GPHN: variants seen among roughly 807,000 people sequenced by gnomAD.
The protein encoded by GPHN is gephyrin.
In GPHN, 17 loss-of-function variants were observed where a neutral mutation model predicts 95.5. That is an observed-to-expected ratio of 0.18 (90% confidence interval 0.12 to 0.27). The LOEUF is 0.27. Among genes scored for constraint, GPHN ranks in the 10% least tolerant of loss-of-function variants. The pLI, the probability that GPHN is intolerant of heterozygous loss-of-function variation, is 1.00. For missense variants in GPHN, 660 were observed against 978.1 expected (o/e 0.67, Z 4.34); for synonymous variants, 320 against 322.5 (o/e 0.99, Z 0.08).
intron 5 of GPHN, among the ~76,000 whole-genome samples, chr14:66,895,198 G>C (rs921950555): frequency 6.6e-6 from 1 of 152,196 alleles, no homozygotes; most frequent in Non-Finnish European, 1.5e-5. Flanking sequence ...ATGAGTTCAT[G>C]TCCTTTGTAG....
At chr14:67,395,173 G>A in the GPHN span, among the ~76,000 whole-genome samples, 3 of 152,272 alleles carry the variant, frequency 2.0e-5, no homozygotes, top group South Asian at 4.1e-4. Flanking sequence ...GTGTGCAGAG[G>A]TGGCAAGAGC....
At chr14:67,238,796 A>G in the GPHN span, among the ~76,000 whole-genome samples, 1 of 151,958 alleles carries the variant, frequency 6.6e-6, no homozygotes, top group Non-Finnish European at 1.5e-5. Flanking sequence ...AGCACACACC[A>G]TCATGCCCAG....
At chr14:67,311,426 C>G in the GPHN span, among the ~76,000 whole-genome samples, 1 of 151,908 alleles carries the variant, frequency 6.6e-6, no homozygotes, top group East Asian at 1.9e-4. Flanking sequence ...GGAATTTAAC[C>G]TATGTGTGAC....
chr14:67,390,805 T>A, the GPHN span: 1 of 1,172,272 alleles, frequency 8.5e-7, no homozygotes, highest in Non-Finnish European at 1.3e-6. Context: ...CTCTCTCCTG[T>A]ATCTATGCAT....
chr14:67,698,140 A>G, the GPHN span, among the ~76,000 whole-genome samples: 1 of 152,230 alleles, frequency 6.6e-6, no homozygotes, highest in African/African-American at 2.4e-5. Context: ...TGCAGGGTCT[A>G]TTGTGCCCTT....
At chr14:67,073,105 C>G (rs950910257) in intron 11 of GPHN, among the ~76,000 whole-genome samples, 1 of 151,904 alleles carries the variant, frequency 6.6e-6, no homozygotes, top group Non-Finnish European at 1.5e-5. Flanking sequence ...TATTCTAACA[C>G]AGGACCACTC....
the GPHN span, among the ~76,000 whole-genome samples, chr14:67,274,337 A>G: frequency 2.0e-5 from 3 of 152,206 alleles, 1 homozygote; most frequent in Non-Finnish European, 4.4e-5. Context: ...AGCTTTCTAC[A>G]TATGCCTAGC....
chr14:67,457,479 C>T, the GPHN span, among the ~76,000 whole-genome samples: 1 of 152,140 alleles, frequency 6.6e-6, no homozygotes, highest in African/African-American at 2.4e-5. Context: ...GTGGCATGTG[C>T]CTGTGGTCCC....
intron 8 of GPHN, among the ~76,000 whole-genome samples, chr14:66,962,885 G>GA (rs1567157084): frequency 6.6e-6 from 1 of 151,554 alleles, no homozygotes; most frequent in Non-Finnish European, 1.5e-5. Flanking sequence ...GAATGCTTTT[G>GA]AAAATGAAAA....
At chr14:66,729,881 A>G (rs2071612431) in intron 2 of GPHN, among the ~76,000 whole-genome samples, 1 of 152,242 alleles carries the variant, frequency 6.6e-6, no homozygotes, top group Admixed American at 6.5e-5. Context: ...GGATACTGGT[A>G]GAAAATTTTT....
chr14:67,379,669 T>G, the GPHN span, among the ~76,000 whole-genome samples: 1 of 138,868 alleles, frequency 7.2e-6, no homozygotes, highest in Admixed American at 7.2e-5. Context: ...TTTTTTTTTT[T>G]TTTGAGACGG....
At chr14:67,650,987 T>C in the GPHN span, 2 of 1,469,086 alleles carry the variant, frequency 1.4e-6, no homozygotes, top group South Asian at 2.3e-5. Flanking sequence ...AGGGGATAGA[T>C]GAATACTAAA....
At chr14:67,436,712 C>T in the GPHN span, among the ~76,000 whole-genome samples, 5 of 152,240 alleles carry the variant, frequency 3.3e-5, no homozygotes, top group African/African-American at 1.2e-4. Context: ...GACCTCTGTG[C>T]AGTGAGCTGC....
At chr14:67,693,495 G>C in the GPHN span, among the ~76,000 whole-genome samples, 2 of 149,848 alleles carry the variant, frequency 1.3e-5, no homozygotes, top group Non-Finnish European at 3.0e-5. Flanking sequence ...GAAAGCTTGT[G>C]ACTCTGGGAC....
chr14:67,720,731 A>G, the GPHN span: 1 of 152,258 alleles, frequency 6.6e-6, no homozygotes, highest in Non-Finnish European at 1.5e-5. Context: ...GGTACAACTT[A>G]TCAATGATAT....
chr14:67,380,760 G>A, the GPHN span: 2 of 1,508,726 alleles, frequency 1.3e-6, no homozygotes, highest in Non-Finnish European at 1.8e-6. Context: ...GTCAAAATTC[G>A]AGCAGGTAAA....
At chr14:66,799,090 A>T (rs2060257331) in intron 3 of GPHN, among the ~76,000 whole-genome samples, 1 of 151,960 alleles carries the variant, frequency 6.6e-6, no homozygotes, top group Non-Finnish European at 1.5e-5. Context: ...ATTCAGGAGC[A>T]TATTGTTTAA....
At chr14:66,866,181 G>C (rs1298699659) in intron 4 of GPHN, among the ~76,000 whole-genome samples, 1 of 152,042 alleles carries the variant, frequency 6.6e-6, no homozygotes, top group Non-Finnish European at 1.5e-5. Flanking sequence ...ATTAACTATA[G>C]TCACCATATT....
intron 2 of GPHN, among the ~76,000 whole-genome samples, chr14:66,715,293 C>T (rs1566859031): frequency 1.3e-5 from 2 of 151,980 alleles, no homozygotes; most frequent in Admixed American, 1.3e-4. Context: ...CTTGAATGAT[C>T]TTTTATATTT....
Sources: allele counts gnomAD v4.1 joint callset (sites outside exome capture counted in the v4.1 genomes callset), GRCh38; gene constraint gnomAD v4.1.1; transcripts MANE v1.5; gene names NCBI Gene and HGNC (gene_info 2026-07-23, HGNC 2026-07-21).